Variants in CHODL observed in about 807,000 individuals in gnomAD.
The protein encoded by CHODL is transmembrane protein MT75.
Under a neutral mutation model 34.5 loss-of-function variants are expected in CHODL, and 29 were observed. That is an observed-to-expected ratio of 0.84 (90% CI 0.63 to 1.15). The LOEUF (loss-of-function observed/expected upper bound fraction) is 1.15. Ranked by LOEUF, CHODL falls within the 50% of genes most tolerant of loss-of-function variation. CHODL has a pLI of 0.00. For missense variants in CHODL, 332 were observed against 332.5 expected, an observed-to-expected ratio of 1.00 and a Z score of 0.01; for synonymous variants, 125 against 116.1, an observed-to-expected ratio of 1.08 and a Z score of -0.49.
At chr21:17,973,674 C>T (rs2063637241) in intron 1 of CHODL, among the ~76,000 whole-genome samples, 1 of 151,902 alleles carries the variant, frequency 6.6e-6, no homozygotes, top group Non-Finnish European at 1.5e-5. Flanking sequence ...CCCACCTCAG[C>T]CTCCCAGCGT....
intron 2 of CHODL, among the ~76,000 whole-genome samples, chr21:18,070,014 CTTCCCTTCCCT>C (rs2064779554): frequency 5.2e-5 from 4 of 77,606 alleles, no homozygotes; most frequent in Admixed American, 1.3e-4. Flanking sequence ...CTTCCCTTCC[CTTCCCTTCCCT>C]CCCCCCCCCC....
intron 1 of CHODL, among the ~76,000 whole-genome samples, chr21:17,964,022 A>G (rs2824579): frequency 6.6e-6 from 1 of 152,106 alleles, no homozygotes; most frequent in African/African-American, 2.4e-5. Context: ...TTCAGAGTAC[A>G]TAATCATACC....
chr21:18,047,724 A>T (rs979405215), intron 2 of CHODL, among the ~76,000 whole-genome samples: 1 of 151,896 alleles, frequency 6.6e-6, no homozygotes, highest in Admixed American at 6.6e-5. Flanking sequence ...AAGAGTATAG[A>T]TAGCTGTCTG....
intron 2 of CHODL, among the ~76,000 whole-genome samples, chr21:18,161,006 CT>C (rs1286695653): frequency 6.6e-6 from 1 of 152,102 alleles, no homozygotes; most frequent in Non-Finnish European, 1.5e-5. Flanking sequence ...TATTTTTTGA[CT>C]TTTTAATAAT....
At chr21:18,118,901 T>C (rs918452958) in intron 2 of CHODL, among the ~76,000 whole-genome samples, 1 of 152,196 alleles carries the variant, frequency 6.6e-6, no homozygotes, top group Non-Finnish European at 1.5e-5. Flanking sequence ...ATTTTTCACT[T>C]CAAACTTCTG....
At chr21:18,220,477 T>A (rs2146737742) in intron 2 of CHODL, among the ~76,000 whole-genome samples, 1 of 152,254 alleles carries the variant, frequency 6.6e-6, no homozygotes, top group South Asian at 2.1e-4. Context: ...GATTTCTTTT[T>A]CATTTATTTA....
chr21:18,156,582 G>A (rs12627375), intron 2 of CHODL, among the ~76,000 whole-genome samples: 24,646 of 151,970 alleles, frequency 0.16, 2,109 homozygotes, highest in East Asian at 0.23. Flanking sequence ...GGTCAATACG[G>A]TATCAATGAA....
intron 2 of CHODL, among the ~76,000 whole-genome samples, chr21:18,142,669 T>C (rs2072817208): frequency 6.6e-6 from 1 of 152,144 alleles, no homozygotes; most frequent in African/African-American, 2.4e-5. Flanking sequence ...TTACCATTCA[T>C]TTTCTATTCC....
At position 18,266,318 on chromosome 21, in the gene CHODL, T is replaced by C. The variant is rs1333508869; in HGVS notation, c.*280T>C. 1.3e-5 allele frequency: 12 copies of C among 915,230 alleles called. No homozygotes were observed. The highest frequency in any genetic ancestry group is 1.7e-5 in the Non-Finnish European group (11 of 633,344). 56.7% of individuals were successfully genotyped at this position (915,230 alleles called of 1,614,324 possible). A position where few individuals can be genotyped will look rare whatever the true frequency, so the allele number is the denominator to read the frequency against. ...ATGGACAATGCAGATAAAGTTGTTA[T>C]CAACACGTCGGGAGTATGTGTGTTA... is the stretch of plus-strand genomic sequence containing the variant. On this transcript the variant is annotated 3_prime_UTR_variant, in exon 6 of 6. Coordinates refer to ENST00000299295, the MANE Select transcript of CHODL (RefSeq NM_024944.3).
At chr21:18,068,268 C>A (rs1489030870) in intron 2 of CHODL, among the ~76,000 whole-genome samples, 4 of 151,742 alleles carry the variant, frequency 2.6e-5, no homozygotes, top group Admixed American at 6.6e-5. Flanking sequence ...GCGGTCTCAG[C>A]TCACTGCAAC....
At chr21:18,235,711 C>T (rs1601182463) in intron 2 of CHODL, among the ~76,000 whole-genome samples, 2 of 152,034 alleles carry the variant, frequency 1.3e-5, no homozygotes, top group Admixed American at 6.6e-5. Context: ...AGGTTTTCTA[C>T]TAAAACTTAT....
intron 2 of CHODL, among the ~76,000 whole-genome samples, chr21:18,146,439 TC>T (rs925920025): frequency 4.6e-5 from 7 of 152,016 alleles, no homozygotes; most frequent in African/African-American, 1.7e-4. Flanking sequence ...TGGAGGTGGT[TC>T]CCCCATGCTG....
intron 1 of CHODL, among the ~76,000 whole-genome samples, chr21:18,009,198 G>T (rs1331229787): frequency 6.6e-6 from 1 of 152,144 alleles, no homozygotes; most frequent in Non-Finnish European, 1.5e-5. Flanking sequence ...CTTAGATTCA[G>T]TAGTCATTTT....
At chr21:18,249,249 A>T (rs372784449) in intron 1 of CHODL, among the ~76,000 whole-genome samples, 1 of 149,688 alleles carries the variant, frequency 6.7e-6, no homozygotes, top group Non-Finnish European at 1.5e-5. Context: ...AAGTAGATGG[A>T]TGTGTGCGAC....
chr21:18,042,204 A>C (rs1407221688), intron 2 of CHODL, among the ~76,000 whole-genome samples: 1 of 151,870 alleles, frequency 6.6e-6, no homozygotes, highest in African/African-American at 2.4e-5. Flanking sequence ...AGAAGGGGAG[A>C]CAATTTGTTT....
rs1384676752 is a variant in CHODL at position 18,229,782 on chromosome 21, A to T, written c.-44-26727A>T. Among the ~76,000 whole-genome samples the T allele has an allele frequency of 2.0e-5, 3 of 152,224 alleles. No homozygotes were observed. The East Asian group carries it at 5.8e-4, about 29-fold the overall frequency. On this transcript the variant is annotated intron_variant, in intron 2 of 6. Coordinates refer to the CHODL transcript ENST00000400127. Reference sequence around the variant, plus strand: ...CACGTCCATCCCCTCAAAGTTGTACACTTTTACAGCATCAGACTTAAGTCT... The same window carrying T: ...CACGTCCATCCCCTCAAAGTTGTACTCTTTTACAGCATCAGACTTAAGTCT...
chr21:17,990,331 T>A (rs981012209), intron 1 of CHODL, among the ~76,000 whole-genome samples: 4 of 152,120 alleles, frequency 2.6e-5, no homozygotes, highest in Non-Finnish European at 5.9e-5. Flanking sequence ...TTAGCTACAA[T>A]GTTTGGGAAA....
chr21:18,063,216 C>A (rs189924679), intron 2 of CHODL, among the ~76,000 whole-genome samples: 1 of 152,122 alleles, frequency 6.6e-6, no homozygotes, highest in Non-Finnish European at 1.5e-5. Context: ...AACAAAGGAA[C>A]AGAACCAATG....
intron 2 of CHODL, among the ~76,000 whole-genome samples, chr21:18,059,378 A>C (rs1015513486): frequency 3.3e-5 from 5 of 152,168 alleles, no homozygotes; most frequent in African/African-American, 7.2e-5. Context: ...TGGCAGCCTG[A>C]GCAGACCAGC....
Sources: gnomAD v4.1 joint callset for allele counts (sites outside exome capture counted in the v4.1 genomes callset) on GRCh38, gnomAD v4.1.1 for gene constraint, MANE v1.5 for transcripts, NCBI Gene and HGNC (gene_info 2026-07-23, HGNC 2026-07-21) for gene names.